The following DOCK1 variants were observed in gnomAD, a reference collection of about 807,000 sequenced individuals.
DOCK1 encodes dedicator of cytokinesis 1.
DOCK1 carries 138 observed loss-of-function variants against 262.7 expected under a neutral mutation model. The ratio of observed to expected loss-of-function variants is 0.53; its 90% confidence interval spans 0.46 to 0.61. The LOEUF is 0.61. Ranked by LOEUF, DOCK1 falls within the 20% of genes least tolerant of loss-of-function variation. The pLI, the probability that DOCK1 is intolerant of heterozygous loss-of-function variation, is 0.00. For synonymous variants in DOCK1, 866 were observed against 867.4 expected (o/e 1.00, Z 0.03); for missense variants, 1,908 against 2,370.7 (o/e 0.80, Z 4.05).
chr10:127,061,879 A>G (rs1426406775), intron 23 of DOCK1, 103 bp downstream of exon 23: 2 of 777,504 alleles, frequency 2.6e-6, no homozygotes, highest in South Asian at 1.9e-5. Flanking sequence ...CTTGCCCCAA[A>G]TACCATAGTT....
intron 1 of DOCK1, among the ~76,000 whole-genome samples, chr10:126,921,871 C>G (rs1197881851): frequency 6.6e-6 from 1 of 151,886 alleles, no homozygotes; most frequent in East Asian, 2.0e-4. Context: ...AGGCTGGTCT[C>G]AAACTCCTGA....
In DOCK1 at chr10:127,260,968, GGT is replaced by G. The variant is rs142673509; in HGVS notation, c.3044+3552_3044+3553del. 3.4e-3 allele frequency among the ~76,000 whole-genome samples: 271 copies of G among 79,460 alleles called. 8 individuals are homozygous for G. The highest frequency in any genetic ancestry group is 4.0e-3 in the Non-Finnish European group (172 of 43,068). 52.1% of individuals were successfully genotyped at this position (79,460 alleles called of 152,430 possible). A position where few individuals can be genotyped will look rare whatever the true frequency, so the allele number is the denominator to read the frequency against. Reference sequence around the variant, plus strand: ...GTGCTCATCTGTGTGTGTGCATGTGGGTGTGTGTGTGTGTACCCGTGCTCATG... The same window carrying G: ...GTGCTCATCTGTGTGTGTGCATGTGGGTGTGTGTGTGTACCCGTGCTCATG... On this transcript the variant is annotated intron_variant, in intron 29 of 51. Coordinates refer to ENST00000623213, the MANE Select transcript of DOCK1 (RefSeq NM_001290223.2).
At chr10:127,241,363 T>G (rs2059259191) in intron 27 of DOCK1, among the ~76,000 whole-genome samples, 1 of 152,188 alleles carries the variant, frequency 6.6e-6, no homozygotes, top group Non-Finnish European at 1.5e-5. Context: ...GTTTTTTTAC[T>G]TCTCTTACAT....
At chr10:127,211,820 G>A (rs1227835708) in intron 27 of DOCK1, among the ~76,000 whole-genome samples, 1 of 152,164 alleles carries the variant, frequency 6.6e-6, no homozygotes, top group Non-Finnish European at 1.5e-5. Flanking sequence ...TGAGATACAA[G>A]GAGGTCCCTG....
chr10:127,194,590 C>G (rs532600703), intron 27 of DOCK1, among the ~76,000 whole-genome samples: 1 of 152,274 alleles, frequency 6.6e-6, no homozygotes, highest in South Asian at 2.1e-4. Context: ...CATGTATGTA[C>G]TACTCTGGGA....
Position 127,024,759 on chromosome 10 carries a change from G to A in DOCK1, c.1527G>A (p.Gln509=). The part of the protein sequence containing the change: ...YKSVIYYQVK[Q]PRWFETVKVA... ...CTGTGATTTACTACCAAGTAAAGCA[G>A]CCACGCTGGTTTGAGACTGTTAAGG... Residue 509 remains glutamine (Q), a synonymous_variant, in exon 15 of 52, where the codon CAG becomes CAA. Transcript: ENST00000623213. 1 of 1,611,480 alleles carries A rather than the reference G, an allele frequency of 6.2e-7. No homozygotes were observed. The highest frequency in any genetic ancestry group is 8.5e-7 in the Non-Finnish European group (1 of 1,178,840).
chr10:127,391,727 A>C (rs2066489939), intron 38 of DOCK1, among the ~76,000 whole-genome samples: 1 of 152,064 alleles, frequency 6.6e-6, no homozygotes, highest in Admixed American at 6.5e-5. Context: ...CCCTGCTGCT[A>C]GATCCAGTTC....
chr10:127,027,996 G>C (rs375762807), intron 16 of DOCK1, among the ~76,000 whole-genome samples: 5 of 151,582 alleles, frequency 3.3e-5, no homozygotes, highest in Admixed American at 6.6e-5. Flanking sequence ...GGCCCGGCCT[G>C]GGATGTGGCT....
At chr10:127,428,819 A>G (rs1403066808) in intron 47 of DOCK1, among the ~76,000 whole-genome samples, 2 of 128,464 alleles carry the variant, frequency 1.6e-5, no homozygotes, top group African/African-American at 6.1e-5. Context: ...TGCCGTGTGG[A>G]TTGGGGTACC....
At chr10:127,279,801 G>A (rs942439348) in intron 29 of DOCK1, among the ~76,000 whole-genome samples, 1 of 152,002 alleles carries the variant, frequency 6.6e-6, no homozygotes, top group Non-Finnish European at 1.5e-5. Context: ...AAGAATGGGA[G>A]AGCCTGGTAA....
intron 27 of DOCK1, among the ~76,000 whole-genome samples, chr10:127,131,485 G>A (rs757222476): frequency 6.6e-6 from 1 of 152,192 alleles, no homozygotes; most frequent in South Asian, 2.1e-4. Context: ...ACATCAAGAT[G>A]TTTTCAAGAA....
chr10:127,070,957 C>T (rs964622378), intron 23 of DOCK1, among the ~76,000 whole-genome samples: 2 of 151,980 alleles, frequency 1.3e-5, no homozygotes, highest in African/African-American at 4.8e-5. Flanking sequence ...TTGCAGCCTT[C>T]AAGGCTGGCT....
At chr10:126,922,763 T>C (rs1264129916) in intron 1 of DOCK1, among the ~76,000 whole-genome samples, 1 of 152,180 alleles carries the variant, frequency 6.6e-6, no homozygotes, top group Admixed American at 6.6e-5. Flanking sequence ...CACTACTAAA[T>C]TGTATACTTT....
At chr10:126,953,764 G>T (rs1458292058) in intron 1 of DOCK1, among the ~76,000 whole-genome samples, 2 of 152,084 alleles carry the variant, frequency 1.3e-5, no homozygotes, top group Non-Finnish European at 2.9e-5. Flanking sequence ...AGGGTGTGTG[G>T]CTGCTCAGTG....
intron 47 of DOCK1, among the ~76,000 whole-genome samples, chr10:127,430,681 G>A (rs909562262): frequency 6.6e-6 from 1 of 151,494 alleles, no homozygotes; most frequent in African/African-American, 2.4e-5. Flanking sequence ...GCTGTAGCTG[G>A]CATTTGTATA....
chr10:126,973,213 G>A (rs1012551606), intron 2 of DOCK1, among the ~76,000 whole-genome samples: 1 of 146,590 alleles, frequency 6.8e-6, no homozygotes, highest in African/African-American at 2.6e-5. Flanking sequence ...CTTCATAAGA[G>A]GAATGCGTGT....
At chr10:127,448,047 G>T (rs2070701885) in intron 51 of DOCK1, among the ~76,000 whole-genome samples, 1 of 152,118 alleles carries the variant, frequency 6.6e-6, no homozygotes, top group Non-Finnish European at 1.5e-5. Flanking sequence ...GGAGCTCCTG[G>T]GTGGTGACAG....
chr10:127,323,135 C>A (rs1207731577), intron 29 of DOCK1, among the ~76,000 whole-genome samples: 1 of 152,170 alleles, frequency 6.6e-6, no homozygotes, highest in African/African-American at 2.4e-5. Flanking sequence ...CATCTGGCAT[C>A]CGAGCTGGTG....
intron 27 of DOCK1, among the ~76,000 whole-genome samples, chr10:127,141,671 T>C (rs1490282541): frequency 6.7e-6 from 1 of 149,002 alleles, no homozygotes; most frequent in East Asian, 2.0e-4. Flanking sequence ...ACTTTGTCTT[T>C]AAAACAAAAA....
Sources: allele counts gnomAD v4.1 joint callset (sites outside exome capture counted in the v4.1 genomes callset), GRCh38; gene constraint gnomAD v4.1.1; transcripts MANE v1.5; gene names NCBI Gene and HGNC (gene_info 2026-07-23, HGNC 2026-07-21).